SPIDR: variants seen among roughly 807,000 people sequenced by gnomAD.
SPIDR encodes scaffold protein involved in DNA repair.
A neutral mutation model predicts 104.6 loss-of-function variants in SPIDR; 93 were observed. The observed-to-expected ratio is 0.89, with a 90% CI of 0.75 to 1.06. SPIDR has a LOEUF of 1.06. Ranked by LOEUF, SPIDR falls within the 50% of genes least tolerant of loss-of-function variation. The pLI is 0.00. For missense variants in SPIDR, 1,154 were observed against 1,111.2 expected, an observed-to-expected ratio of 1.04 and a Z score of -0.55; for synonymous variants, 431 against 416.9, an observed-to-expected ratio of 1.03 and a Z score of -0.41.
chr8:47,688,562 T>G (rs911562854), intron 11 of SPIDR: 2 of 152,262 alleles, frequency 1.3e-5, no homozygotes, highest in African/African-American at 4.8e-5. Flanking sequence ...TTCTGTCTAT[T>G]GCAGGTAGCT....
intron 8 of SPIDR, among the ~76,000 whole-genome samples, chr8:47,467,098 A>G (rs2074986938): frequency 6.6e-6 from 1 of 152,098 alleles, no homozygotes; most frequent in African/African-American, 2.4e-5. Context: ...CTATGCAAAC[A>G]AACTAGAAAA....
At chr8:47,270,592 CT>C (rs1294580015) in intron 1 of SPIDR, among the ~76,000 whole-genome samples, 20 of 149,172 alleles carry the variant, frequency 1.3e-4, no homozygotes, top group African/African-American at 2.7e-4. Context: ...GAGGAACTAA[CT>C]TTTTTTTTTA....
chr8:47,667,955 A>G (rs2075214667), intron 10 of SPIDR: 1 of 152,210 alleles, frequency 6.6e-6, no homozygotes. Context: ...TTGAAAATAG[A>G]CAAGATGGAA....
At chr8:47,595,004 G>C (rs1400262683) in intron 8 of SPIDR, among the ~76,000 whole-genome samples, 2 of 151,626 alleles carry the variant, frequency 1.3e-5, no homozygotes, top group African/African-American at 4.8e-5. Flanking sequence ...CTCAAAAAAA[G>C]AAAAAGAAAA....
intron 8 of SPIDR, among the ~76,000 whole-genome samples, chr8:47,593,137 C>T (rs1462398230): frequency 1.3e-5 from 2 of 152,132 alleles, no homozygotes; most frequent in East Asian, 1.9e-4. Context: ...TCGCCCGCCT[C>T]GGCCTCCCAA....
chr8:47,691,459 C>T (rs1440990359), intron 11 of SPIDR, among the ~76,000 whole-genome samples: 1 of 152,188 alleles, frequency 6.6e-6, no homozygotes, highest in Non-Finnish European at 1.5e-5. Flanking sequence ...AGTTTCCCTT[C>T]CTGGCTGTCC....
chr8:47,290,949 G>T, intron 3 of SPIDR, 84 bp from the exon 4 acceptor site: 1 of 1,034,120 alleles, frequency 9.7e-7, no homozygotes, highest in African/African-American at 1.6e-5. Flanking sequence ...TTGTGACTTT[G>T]GCAAAATTAC....
At chr8:47,286,221 C>T (rs2038819495) in intron 3 of SPIDR, among the ~76,000 whole-genome samples, 2 of 152,136 alleles carry the variant, frequency 1.3e-5, no homozygotes, top group African/African-American at 4.8e-5. Flanking sequence ...GACTTGAGAG[C>T]TACGCATAAT....
Position 47,688,018 on chromosome 8 carries a change from T to A in SPIDR, c.1686-12385T>A, listed in dbSNP as rs1042690105. ...AGACCTGGCTGTCAAAAAAAAAAAG[T>A]GTGTGTGTGTGTGTGTGTGTGTGTG... is the stretch of plus-strand genomic sequence containing the variant. On this transcript the variant is annotated intron_variant, in intron 11 of 19. Transcript: ENST00000297423. 3.5e-3 allele frequency among the ~76,000 whole-genome samples: 484 copies of A among 139,750 alleles called. 7 individuals carry two copies. Among genetic ancestry groups the A allele is most frequent in the African/African-American group, 0.014 (458 of 33,314 alleles). The allele number at this position is 139,750 out of a possible 152,430, so 91.7% of individuals were successfully genotyped here. A position where few individuals can be genotyped will look rare whatever the true frequency, so the allele number is the denominator to read the frequency against.
intron 5 of SPIDR, among the ~76,000 whole-genome samples, chr8:47,310,055 C>T (rs2043841892): frequency 1.3e-5 from 2 of 149,964 alleles, no homozygotes; most frequent in South Asian, 4.3e-4. Context: ...AATAAGTCGG[C>T]CAGCGCTGTG....
chr8:47,380,181 C>G (rs1027402031), intron 5 of SPIDR, among the ~76,000 whole-genome samples: 2 of 151,756 alleles, frequency 1.3e-5, no homozygotes, highest in Non-Finnish European at 2.9e-5. Flanking sequence ...AGTCGATGAC[C>G]TCTCAGCCTG....
chr8:47,506,718 C>T (rs1258868622), intron 8 of SPIDR, among the ~76,000 whole-genome samples: 1 of 151,998 alleles, frequency 6.6e-6, no homozygotes, highest in African/African-American at 2.4e-5. Context: ...AGTGGGTTTA[C>T]GGACATATGC....
chr8:47,425,148 C>G (rs552214091), intron 7 of SPIDR, among the ~76,000 whole-genome samples: 40 of 152,020 alleles, frequency 2.6e-4, no homozygotes, highest in Non-Finnish European at 2.6e-4. Flanking sequence ...GCTCATATTT[C>G]TGTGTTTATT....
chr8:47,422,698 G>T (rs1366927303), intron 7 of SPIDR, among the ~76,000 whole-genome samples: 1 of 152,142 alleles, frequency 6.6e-6, no homozygotes, highest in Non-Finnish European at 1.5e-5. Context: ...CTTTTGTGTC[G>T]CTCACGCTGG....
chr8:47,582,699 T>C (rs1459018484), intron 8 of SPIDR, among the ~76,000 whole-genome samples: 1 of 152,028 alleles, frequency 6.6e-6, no homozygotes, highest in African/African-American at 2.4e-5. Context: ...ATATTCTCTA[T>C]TTTTTAAAAA....
chr8:47,398,908 C>T lies in SPIDR; in HGVS notation c.776+2282C>T, dbSNP rs115574971. The stretch of plus-strand genomic sequence containing the variant: ...GAGGAGAGAGGGTGACCCACTGTGA[C>T]AGATGCTGCCAGGGCTGACCTCTGT... On this transcript the variant is annotated intron_variant, in intron 6 of 19. Coordinates refer to ENST00000297423, the MANE Select transcript of SPIDR (RefSeq NM_001080394.4). 2.6e-3 allele frequency among the ~76,000 whole-genome samples: 390 copies of T among 152,280 alleles called. 2 individuals are homozygous for T. Among genetic ancestry groups the T allele is most frequent in the African/African-American group, 8.9e-3 (370 of 41,568 alleles).
At chr8:47,303,256 A>G (rs1419934236) in intron 5 of SPIDR, among the ~76,000 whole-genome samples, 1 of 152,222 alleles carries the variant, frequency 6.6e-6, no homozygotes. Flanking sequence ...GTTGTGGGAT[A>G]TAATCTCCTG....
intron 10 of SPIDR, among the ~76,000 whole-genome samples, chr8:47,647,647 A>AGAGAGAGAGAGAGAGAGAGAGG (rs2070729136): frequency 6.9e-6 from 1 of 144,656 alleles, no homozygotes; most frequent in Admixed American, 6.9e-5. Flanking sequence ...AGAGAGAGAG[A>AGAGAGAGAGAGAGAGAGAGAGG]GAGAGAGGGA....
chr8:47,523,153 G>C (rs908510221), intron 8 of SPIDR, among the ~76,000 whole-genome samples: 3 of 151,994 alleles, frequency 2.0e-5, no homozygotes, highest in Non-Finnish European at 4.4e-5. Context: ...GAGCCACCAT[G>C]CATGGCTTTT....
Sources: gnomAD v4.1 joint callset for allele counts (sites outside exome capture counted in the v4.1 genomes callset) on GRCh38, gnomAD v4.1.1 for gene constraint, MANE v1.5 for transcripts, NCBI Gene and HGNC (gene_info 2026-07-23, HGNC 2026-07-21) for gene names.